NOVA1: variants seen among roughly 807,000 people sequenced by gnomAD.
NOVA1 encodes RNA-binding protein Nova-1.
NOVA1 carries 7 observed loss-of-function variants against 38.0 expected under a neutral mutation model. The observed-to-expected ratio is 0.18, with a 90% CI of 0.10 to 0.35. The LOEUF (loss-of-function observed/expected upper bound fraction) is 0.35. NOVA1 is among the 10% of genes least tolerant of loss of function. The pLI is 1.00. For missense variants in NOVA1, 460 were observed against 616.0 expected (o/e 0.75, Z 2.68); for synonymous variants, 270 against 232.5 (o/e 1.16, Z -1.47).
intron 4 of NOVA1, among the ~76,000 whole-genome samples, chr14:26,466,739 A>T (rs1299734275): frequency 6.6e-6 from 1 of 152,186 alleles, no homozygotes; most frequent in African/African-American, 2.4e-5. Context: ...TGTTTAATTC[A>T]TGAGGACTTG....
intron 3 of NOVA1, among the ~76,000 whole-genome samples, chr14:26,477,476 G>C (rs1197010731): frequency 2.6e-5 from 4 of 151,992 alleles, no homozygotes; most frequent in African/African-American, 9.7e-5. Context: ...AAAGACCTGA[G>C]AGACCAGCAG....
intron 2 of NOVA1, among the ~76,000 whole-genome samples, chr14:26,570,574 T>C (rs754897326): frequency 6.6e-6 from 1 of 152,146 alleles, no homozygotes; most frequent in Non-Finnish European, 1.5e-5. Flanking sequence ...TGTGTATACA[T>C]ATGTGTATGT....
At chr14:26,489,609 C>T (rs926643412) in intron 2 of NOVA1, among the ~76,000 whole-genome samples, 1 of 151,846 alleles carries the variant, frequency 6.6e-6, no homozygotes, top group East Asian at 1.9e-4. Flanking sequence ...TATACCAAGG[C>T]GAGTGGATGA....
intron 4 of NOVA1, among the ~76,000 whole-genome samples, chr14:26,470,702 T>G (rs979051122): frequency 3.3e-5 from 5 of 152,094 alleles, no homozygotes; most frequent in Non-Finnish European, 5.9e-5. Flanking sequence ...TTTATAAAGA[T>G]TCACAAGTTC....
At chr14:26,535,350 T>C (rs1889990154) in intron 2 of NOVA1, among the ~76,000 whole-genome samples, 2 of 152,180 alleles carry the variant, frequency 1.3e-5, no homozygotes, top group African/African-American at 4.8e-5. Flanking sequence ...ATATGGTTTA[T>C]TTAGGAAGGA....
chr14:26,566,698 C>T (rs1732358174), intron 2 of NOVA1, among the ~76,000 whole-genome samples: 1 of 152,050 alleles, frequency 6.6e-6, no homozygotes, highest in Admixed American at 6.6e-5. Flanking sequence ...TGCTAAGAAA[C>T]AGAACCCACC....
intron 3 of NOVA1, among the ~76,000 whole-genome samples, chr14:26,475,774 A>T (rs1263230569): frequency 2.6e-5 from 4 of 152,208 alleles, no homozygotes; most frequent in Admixed American, 2.0e-4. Context: ...TTAAATGTAG[A>T]CATAACTAGG....
chr14:26,446,275 T>C lies in NOVA1; in HGVS notation c.*1684A>G, dbSNP rs1882062453. On this transcript the variant is annotated 3_prime_UTR_variant, in exon 5 of 5. Coordinates refer to ENST00000539517, the MANE Select transcript of NOVA1 (RefSeq NM_002515.3). ...CAATGTCCAAAAGTAAATTGCACAG[T>C]AAATCAATATGAAATGAAGAGTCCA... The C allele has an allele frequency of 6.6e-6, 1 of 152,480 alleles. No homozygotes were observed. Among genetic ancestry groups the C allele is most frequent in the African/African-American group, 2.4e-5 (1 of 41,414 alleles). The allele number at this position is 152,480 out of a possible 1,614,324, so 9.4% of individuals were successfully genotyped here. A position where few individuals can be genotyped will look rare whatever the true frequency, so the allele number is the denominator to read the frequency against.
intron 2 of NOVA1, among the ~76,000 whole-genome samples, chr14:26,493,618 T>C (rs890279472): frequency 2.6e-5 from 4 of 152,188 alleles, no homozygotes; most frequent in Admixed American, 1.3e-4. Flanking sequence ...TTCTGACTTC[T>C]AATACACTTG....
At chr14:26,491,206 A>G (rs1156755441) in intron 2 of NOVA1, among the ~76,000 whole-genome samples, 2 of 151,026 alleles carry the variant, frequency 1.3e-5, no homozygotes, top group African/African-American at 2.4e-5. Flanking sequence ...GGGTCTCGCA[A>G]TGTTACCCAA....
chr14:26,569,180 A>G (rs1892319962), intron 2 of NOVA1, among the ~76,000 whole-genome samples: 1 of 152,206 alleles, frequency 6.6e-6, no homozygotes, highest in African/African-American at 2.4e-5. Context: ...ACTGTCAGAT[A>G]GAGTATTTTA....
chr14:26,501,625 A>G (rs1005149942), intron 2 of NOVA1, among the ~76,000 whole-genome samples: 1 of 151,850 alleles, frequency 6.6e-6, no homozygotes, highest in Admixed American at 6.6e-5. Flanking sequence ...AAATTGTTAT[A>G]TTATTTGAAA....
rs76851283 is a variant in NOVA1, at chr14:26,557,251, C to G, written c.280+38159G>C. On this transcript the variant is annotated intron_variant, in intron 2 of 4. Coordinates refer to ENST00000539517, the MANE Select transcript of NOVA1 (RefSeq NM_002515.3). ...CTTAGGGAAGTGAAAATTAAAACAA[C>G]AATAAGATACCATATTACACACCTA... is the stretch of plus-strand genomic sequence containing the variant. Among the ~76,000 whole-genome samples, 774 of 152,284 alleles carry G rather than the reference C, an allele frequency of 5.1e-3. 7 individuals carry two copies. The highest frequency in any genetic ancestry group is 0.018 in the African/African-American group (741 of 41,556).
chr14:26,520,729 CAA>C (rs1888813228), intron 2 of NOVA1, among the ~76,000 whole-genome samples: 1 of 151,884 alleles, frequency 6.6e-6, no homozygotes, highest in African/African-American at 2.4e-5. Flanking sequence ...GACAAATTTG[CAA>C]TTATGGAATC....
At chr14:26,529,291 C>G (rs1261793189) in intron 2 of NOVA1, among the ~76,000 whole-genome samples, 2 of 152,082 alleles carry the variant, frequency 1.3e-5, no homozygotes, top group African/African-American at 4.8e-5. Context: ...GCGCCCACCA[C>G]CATGCCCAGC....
At chr14:26,591,949 A>T (rs1424992236) in intron 2 of NOVA1, among the ~76,000 whole-genome samples, 2 of 148,972 alleles carry the variant, frequency 1.3e-5, no homozygotes, top group African/African-American at 2.5e-5. Flanking sequence ...TACTAGTTTT[A>T]TAATGACAAA....
intron 2 of NOVA1, among the ~76,000 whole-genome samples, chr14:26,538,336 T>C (rs1890245446): frequency 6.6e-6 from 1 of 152,072 alleles, no homozygotes; most frequent in South Asian, 2.1e-4. Flanking sequence ...CAAAAATCAT[T>C]GTTACATTCA....
intron 2 of NOVA1, among the ~76,000 whole-genome samples, chr14:26,493,141 T>C (rs1337259101): frequency 6.6e-6 from 1 of 152,088 alleles, no homozygotes; most frequent in Non-Finnish European, 1.5e-5. Context: ...TTTTTCAACA[T>C]TAATTATTAT....
At chr14:26,497,764 A>G (rs1407225201) in intron 2 of NOVA1, among the ~76,000 whole-genome samples, 1 of 152,208 alleles carries the variant, frequency 6.6e-6, no homozygotes, top group Non-Finnish European at 1.5e-5. Context: ...AAGGAGTACA[A>G]ATCAAACTTC....
Sources: gnomAD v4.1 joint callset for allele counts (sites outside exome capture counted in the v4.1 genomes callset) on GRCh38, gnomAD v4.1.1 for gene constraint, MANE v1.5 for transcripts, NCBI Gene and HGNC (gene_info 2026-07-23, HGNC 2026-07-21) for gene names.